The following RSPO1 variants were observed in gnomAD, a reference collection of about 807,000 sequenced individuals.
RSPO1 encodes R-spondin 1, also known as R-spondin-1.
RSPO1 carries 18 observed loss-of-function variants against 26.0 expected under a neutral mutation model. That is an observed-to-expected ratio of 0.69 (90% CI 0.48 to 1.03). The LOEUF (loss-of-function observed/expected upper bound fraction) is 1.03. RSPO1 is among the 50% of genes least tolerant of loss of function. The pLI is 0.00. For synonymous variants in RSPO1, 133 were observed against 137.4 expected (o/e 0.97, Z 0.22); for missense variants, 309 against 352.3 (o/e 0.88, Z 0.98).
rs1397131942 is a variant in RSPO1 at position 37,634,674 on chromosome 1, CCCGCCCGTT to C, written c.-473_-465del. On this transcript the variant is annotated 5_prime_UTR_variant, in exon 1 of 7. Transcript: ENST00000356545. This position sits in a 1 kb window ranked among gnomAD's most constrained non-coding sequence, Gnocchi z 4.7. ...GGGCGCCCGGCTCGCCTGCGCTCCG[CCCGCCCGTT>C]CCCAAGTTGCTCAATCTGCGGACGG... 1 of 152,262 alleles carries C rather than the reference CCCGCCCGTT, an allele frequency of 6.6e-6. No homozygotes were observed. The highest frequency in any genetic ancestry group is 1.5e-5 in the Non-Finnish European group (1 of 68,134). The allele number at this position is 152,262 out of a possible 1,614,324, so 9.4% of individuals were successfully genotyped here. A position where few individuals can be genotyped will look rare whatever the true frequency, so the allele number is the denominator to read the frequency against.
At position 37,629,871 on chromosome 1, in the gene RSPO1, A is replaced by G; in HGVS notation, c.-210T>C. ...AGCTCAAAGGGAGGTCCTCAAAGAG[A>G]GACTTCCTCAAAGATACCTCGGAAT... is the stretch of plus-strand genomic sequence containing the variant. On this transcript the variant is annotated 5_prime_UTR_variant, in exon 3 of 7. Transcript: ENST00000356545. 6.4e-7 allele frequency: 1 copy of G among 1,550,608 alleles called. No individual in the cohort carries two copies. The highest frequency in any genetic ancestry group is 8.7e-7 in the Non-Finnish European group (1 of 1,146,794).
Position 37,612,630 on chromosome 1 carries a change from G to T in RSPO1, c.*125C>A. ...TTGAGCGTGTGTGTCTTGTGTCTATGTATGCATGGATGGATTGGAGTGTGT... is the reference window on the plus strand; with the variant it reads ...TTGAGCGTGTGTGTCTTGTGTCTATTTATGCATGGATGGATTGGAGTGTGT... On this transcript the variant is annotated 3_prime_UTR_variant, in exon 7 of 7. Coordinates refer to ENST00000356545, the MANE Select transcript of RSPO1 (RefSeq NM_001242908.2). 1.0e-6 allele frequency: 1 copy of T among 985,306 alleles called. No homozygotes were observed. The highest frequency in any genetic ancestry group is 1.6e-6 in the Non-Finnish European group (1 of 626,854). 61.0% of individuals were successfully genotyped at this position (985,306 alleles called of 1,614,324 possible).
At chr1:37,628,960 C>G (rs116441182) in intron 3 of RSPO1, among the ~76,000 whole-genome samples, 1 of 152,224 alleles carries the variant, frequency 6.6e-6, no homozygotes, top group Admixed American at 6.5e-5. Flanking sequence ...TGGTTTGAAG[C>G]GTGGTCGGGC....
chr1:37,614,148 C>A, intron 5 of RSPO1, 36 bp downstream of exon 5: 1 of 1,609,312 alleles, frequency 6.2e-7, no homozygotes, highest in Non-Finnish European at 8.5e-7. Flanking sequence ...TTCTGGGGTC[C>A]TGGACCCTCT....
rs1292823131 is a variant in RSPO1, at chr1:37,613,039, T to C, written c.626-118A>G. The C allele has an allele frequency of 6.3e-6, 7 of 1,104,960 alleles. No homozygotes were observed. The South Asian group carries it at 9.0e-5, about 14-fold the overall frequency. 68.4% of individuals were successfully genotyped at this position (1,104,960 alleles called of 1,614,324 possible). A position where few individuals can be genotyped will look rare whatever the true frequency, so the allele number is the denominator to read the frequency against. ...CCGGAAGGGGAGGCAGGGAGGAGGC[T>C]GGAGATGCTGCCTCTAGGTAGTTGG... On this transcript the variant is annotated intron_variant, in intron 6 of 6. Coordinates refer to ENST00000356545, the MANE Select transcript of RSPO1 (RefSeq NM_001242908.2). The surrounding 1 kb of genome is among the most constrained non-coding windows in gnomAD (Gnocchi z 4.5).
rs567691211 is a variant in RSPO1, at chr1:37,614,671, C to A, written c.287-338G>T. 6.6e-5 allele frequency among the ~76,000 whole-genome samples: 10 copies of A among 152,268 alleles called. No homozygotes were observed. The South Asian group carries it at 2.1e-3, about 32-fold the overall frequency. On this transcript the variant is annotated intron_variant, in intron 4 of 6. Transcript: ENST00000356545. ...AGGCGGAGGGTGGGGCCGTCTGGGC[C>A]TGGTGGGGGTGGGACAGGAGAGTTT...
Position 37,613,190 on chromosome 1 carries a change from T to C in RSPO1, c.626-269A>G, listed in dbSNP as rs1428040613. On this transcript the variant is annotated intron_variant, in intron 6 of 6. Transcript: ENST00000356545. This position sits in a 1 kb window ranked among gnomAD's most constrained non-coding sequence, Gnocchi z 4.5. The stretch of plus-strand genomic sequence containing the variant: ...ACACAAGACATCATCCTCTTCCTCA[T>C]GGATTCCTCAGACCTTGGATCCCAA... Among the ~76,000 whole-genome samples, 2 of 152,218 alleles carry C rather than the reference T, an allele frequency of 1.3e-5. No individual in the cohort carries two copies. The highest frequency in any genetic ancestry group is 4.8e-5 in the African/African-American group (2 of 41,448).
At chr1:37,626,841 G>A (rs1464095296) in intron 3 of RSPO1, among the ~76,000 whole-genome samples, 1 of 152,110 alleles carries the variant, frequency 6.6e-6, no homozygotes, top group Non-Finnish European at 1.5e-5. Flanking sequence ...CAGTGCGAGG[G>A]ATGAGTGGGA....
chr1:37,616,520 A>G lies in RSPO1; in HGVS notation c.250T>C (p.Phe84Leu), dbSNP rs753200240. The change falls in exon 4 of 7, where the codon TTC becomes CTC. Residue 84 changes from phenylalanine to leucine, a missense_variant. Transcript: ENST00000356545. ...TTCATGTCGGGGTTGCGGGCGTCGA[A>G]GTATCCAGGTGGGCAGGACGGCAAG... Reference protein sequence around the residue: ...VCLPSCPPGYFDARNPDMNKC... With the variant: ...VCLPSCPPGYLDARNPDMNKC... 1.2e-6 allele frequency: 2 copies of G among 1,614,192 alleles called. No individual in the cohort carries two copies. Among genetic ancestry groups the G allele is most frequent in the African/African-American group, 2.7e-5 (2 of 75,040 alleles).
intron 3 of RSPO1, among the ~76,000 whole-genome samples, chr1:37,628,277 CACA>C (rs1469292476): frequency 6.6e-6 from 1 of 152,210 alleles, no homozygotes; most frequent in Non-Finnish European, 1.5e-5. Context: ...AAATACTGGC[CACA>C]ACAGATGAGA....
chr1:37,619,267 G>A (rs1214200784), intron 3 of RSPO1, among the ~76,000 whole-genome samples: 2 of 152,168 alleles, frequency 1.3e-5, no homozygotes, highest in East Asian at 3.8e-4. Context: ...GGAGAGAGGA[G>A]CTGCAGATAC....
chr1:37,613,937 G>A lies in RSPO1; in HGVS notation c.437-45C>T. The A allele has an allele frequency of 6.3e-7, 1 of 1,591,950 alleles. No individual in the cohort carries two copies. On this transcript the variant is annotated intron_variant, in intron 5 of 6. Transcript: ENST00000356545. The surrounding 1 kb of genome is among the most constrained non-coding windows in gnomAD (Gnocchi z 4.5). Reference sequence around the variant, plus strand: ...AGGGAGAGAAGGACAAGGAGGAGGGGATCATGTCTCCTCCTCTGGCCCAGA... The same window carrying A: ...AGGGAGAGAAGGACAAGGAGGAGGGAATCATGTCTCCTCCTCTGGCCCAGA...
chr1:37,623,952 G>T (rs1644241052), intron 3 of RSPO1, among the ~76,000 whole-genome samples: 1 of 151,832 alleles, frequency 6.6e-6, no homozygotes, highest in African/African-American at 2.4e-5. Context: ...AGTAGAGTTG[G>T]GGTTTCACCA....
chr1:37,614,468 A>G, intron 4 of RSPO1, 135 bp from the exon 5 acceptor site: 1 of 942,172 alleles, frequency 1.1e-6, no homozygotes, highest in Non-Finnish European at 1.7e-6. Flanking sequence ...AGCTGCAGGT[A>G]CTGCAGAGGA....
chr1:37,621,270 C>T lies in RSPO1; in HGVS notation c.95-4595G>A, dbSNP rs1570108808. 2.0e-5 allele frequency among the ~76,000 whole-genome samples: 3 copies of T among 152,244 alleles called. 1 individual carries two copies. Among genetic ancestry groups the T allele is most frequent in the Middle Eastern group, 6.8e-3 (2 of 294 alleles). ...AAGCCTGGATGAAGGAGTTCACACCCTATCCTGAAGGTCAGAAGGAATCAG... is the reference window on the plus strand; with the variant it reads ...AAGCCTGGATGAAGGAGTTCACACCTTATCCTGAAGGTCAGAAGGAATCAG... On this transcript the variant is annotated intron_variant, in intron 3 of 6. Coordinates refer to ENST00000356545, the MANE Select transcript of RSPO1 (RefSeq NM_001242908.2).
intron 1 of RSPO1, among the ~76,000 whole-genome samples, chr1:37,633,111 G>A (rs114981907): frequency 2.0e-5 from 3 of 152,200 alleles, no homozygotes; most frequent in South Asian, 2.1e-4. Context: ...CCAGGTCTTC[G>A]TTTACTCCTC....
intron 4 of RSPO1, among the ~76,000 whole-genome samples, chr1:37,615,233 A>G (rs1378302249): frequency 6.6e-6 from 1 of 151,958 alleles, no homozygotes; most frequent in Non-Finnish European, 1.5e-5. Context: ...GGCTTATCTC[A>G]GCCTCACCTC....
chr1:37,631,793 T>C (rs746449520), intron 2 of RSPO1: 4 of 152,252 alleles, frequency 2.6e-5, no homozygotes, highest in Admixed American at 6.5e-5. Flanking sequence ...TACATTCTAA[T>C]AATCATTCAA....
chr1:37,617,656 C>A (rs1644135948), intron 3 of RSPO1, among the ~76,000 whole-genome samples: 1 of 83,592 alleles, frequency 1.2e-5, no homozygotes, highest in African/African-American at 6.2e-5. Context: ...AGCAAGACTC[C>A]ATCTCAAAAA....
Sources: allele counts gnomAD v4.1 joint callset (sites outside exome capture counted in the v4.1 genomes callset), GRCh38; gene constraint gnomAD v4.1.1; non-coding constraint Gnocchi (gnomAD v3.1); transcripts MANE v1.5; gene names NCBI Gene and HGNC (gene_info 2026-07-23, HGNC 2026-07-21).